The following PUM1 variants were observed in gnomAD, a reference collection of about 807,000 sequenced individuals.
PUM1 encodes the protein pumilio homolog 1.
PUM1 carries 13 observed loss-of-function variants against 131.8 expected under a neutral mutation model. That is an observed-to-expected ratio of 0.10 (90% CI 0.06 to 0.16). PUM1 has a LOEUF of 0.16. PUM1 is among the 10% of genes least tolerant of loss of function. The probability of loss-of-function intolerance (pLI) is 1.00; values close to 1 mark genes in which losing one functional copy is unlikely to be tolerated. For missense variants in PUM1, 961 were observed against 1,512.4 expected (o/e 0.64, Z 6.05); for synonymous variants, 509 against 556.5 (o/e 0.91, Z 1.20).
chr1:30,992,714 C>T (rs565437342), intron 6 of PUM1, 54 bp from the exon 7 acceptor site: 23 of 1,507,292 alleles, frequency 1.5e-5, no homozygotes, highest in East Asian at 2.3e-5. Context: ...GGAGGGACTA[C>T]AGCAACCCAA....
chr1:31,065,655 ATCT>A lies in PUM1; in HGVS notation c.-54_-52del. ...GATGAAGATGGATTTCAGCCCCCCG[ATCT>A]TCTCTCTCTGGCGCTCTCGCTCCCC... On this transcript the variant is annotated 5_prime_UTR_variant, in exon 1 of 22. Transcript: ENST00000426105. 1 of 1,549,208 alleles carries A rather than the reference ATCT, an allele frequency of 6.5e-7. No individual in the cohort carries two copies. Among genetic ancestry groups the A allele is most frequent in the African/African-American group, 1.4e-5 (1 of 72,888 alleles).
At chr1:31,005,818 AGAGAG>A (rs763043697) in intron 5 of PUM1, 30 bp downstream of exon 5, 38 of 1,457,472 alleles carry the variant, frequency 2.6e-5, no homozygotes, top group Middle Eastern at 1.8e-4. Context: ...AGAGAGAGAG[AGAGAG>A]ATAGGAACAA....
chr1:30,990,751 G>C (rs1244220537), intron 7 of PUM1, among the ~76,000 whole-genome samples: 2 of 152,232 alleles, frequency 1.3e-5, no homozygotes, highest in East Asian at 3.8e-4. Flanking sequence ...ACAGTGGTAT[G>C]TCTGTGTAAA....
At chr1:31,057,679 T>C (rs181147936) in intron 2 of PUM1, among the ~76,000 whole-genome samples, 1,490 of 142,704 alleles carry the variant, frequency 0.01, 8 homozygotes, top group Non-Finnish European at 0.017. Flanking sequence ...GAGCCGAGAT[T>C]GTGCCACTGC....
intron 3 of PUM1, among the ~76,000 whole-genome samples, chr1:31,022,882 A>G (rs1278687446): frequency 6.6e-6 from 1 of 152,148 alleles, no homozygotes; most frequent in Non-Finnish European, 1.5e-5. Flanking sequence ...TGAAAGCTAC[A>G]TTTTGGCTGG....
At chr1:31,032,457 T>C (rs980887830) in intron 2 of PUM1, among the ~76,000 whole-genome samples, 1 of 152,168 alleles carries the variant, frequency 6.6e-6, no homozygotes, top group Non-Finnish European at 1.5e-5. Context: ...AAGTTCCTTC[T>C]ACACTTCCCT....
chr1:31,024,236 A>T (rs755271276), intron 3 of PUM1, among the ~76,000 whole-genome samples: 2 of 152,134 alleles, frequency 1.3e-5, no homozygotes, highest in Non-Finnish European at 2.9e-5. Context: ...GCCCAATCCA[A>T]TGCTACCTCT....
chr1:30,973,065 AG>A, intron 10 of PUM1: 1 of 213,286 alleles, frequency 4.7e-6, no homozygotes, highest in South Asian at 7.6e-5. Flanking sequence ...GGGCAACAAA[AG>A]CAAAATTCCG....
rs189484071 is a variant in PUM1 at position 31,048,765 on chromosome 1, T to C, written c.363+10439A>G. Among the ~76,000 whole-genome samples the C allele has an allele frequency of 3.8e-3, 583 of 152,102 alleles. 2 individuals are homozygous for C. Among genetic ancestry groups the C allele is most frequent in the Non-Finnish European group, 6.8e-3 (463 of 67,980 alleles). On this transcript the variant is annotated intron_variant, in intron 2 of 21. Coordinates refer to ENST00000426105, the MANE Select transcript of PUM1 (RefSeq NM_001020658.2). The stretch of plus-strand genomic sequence containing the variant: ...CTGCGATTACAGGCTTGAGCCACCA[T>C]GCCCGGCCCATCAGGGTAAATTCTA...
At chr1:30,941,972 A>G in intron 19 of PUM1, 26 bp downstream of exon 19, 1 of 1,535,780 alleles carries the variant, frequency 6.5e-7, no homozygotes, top group Non-Finnish European at 8.9e-7. Flanking sequence ...AGGTGTTCGC[A>G]GTTCCTCTAC....
intron 14 of PUM1, among the ~76,000 whole-genome samples, chr1:30,959,255 A>C (rs1259185484): frequency 6.6e-6 from 1 of 152,218 alleles, no homozygotes; most frequent in Non-Finnish European, 1.5e-5. Context: ...GGGATGGTAC[A>C]CTTCGAATTT....
At chr1:30,963,025 T>C (rs1395182118) in intron 14 of PUM1, among the ~76,000 whole-genome samples, 3 of 152,332 alleles carry the variant, frequency 2.0e-5, no homozygotes, top group African/African-American at 7.2e-5. Context: ...TAACAGGATA[T>C]ACACTGAAAC....
chr1:31,003,771 A>G (rs1642302661), intron 5 of PUM1, among the ~76,000 whole-genome samples: 1 of 152,084 alleles, frequency 6.6e-6, no homozygotes, highest in South Asian at 2.1e-4. Context: ...AATAATAACA[A>G]TAATAATCAG....
intron 16 of PUM1, among the ~76,000 whole-genome samples, chr1:30,952,027 T>C (rs1004205526): frequency 1.3e-5 from 2 of 152,218 alleles, no homozygotes; most frequent in Non-Finnish European, 2.9e-5. Context: ...CAAAATAGAT[T>C]GGCATTATCT....
chr1:30,991,739 G>C (rs1181614701), intron 7 of PUM1, among the ~76,000 whole-genome samples: 3 of 152,120 alleles, frequency 2.0e-5, no homozygotes, highest in Admixed American at 1.3e-4. Flanking sequence ...TAAACACAGA[G>C]ATCAGTTAAT....
chr1:31,037,423 T>C (rs985309173), intron 2 of PUM1, among the ~76,000 whole-genome samples: 2 of 152,098 alleles, frequency 1.3e-5, no homozygotes, highest in African/African-American at 4.8e-5. Flanking sequence ...AAGTTAAAGA[T>C]CTAAAACATA....
intron 2 of PUM1, chr1:31,050,868 C>T (rs1644091863): frequency 4.1e-6 from 1 of 243,028 alleles, no homozygotes. Context: ...CTCCTGAGAG[C>T]AAGATGGGTC....
intron 17 of PUM1, 62 bp from the exon 18 acceptor site, chr1:30,945,545 T>G: frequency 6.4e-7 from 1 of 1,570,300 alleles, no homozygotes; most frequent in Non-Finnish European, 8.7e-7. Flanking sequence ...ACAAATAATA[T>G]TCTTTTCACC....
At chr1:30,937,409 G>A (rs1202327661) in intron 20 of PUM1, among the ~76,000 whole-genome samples, 1 of 152,108 alleles carries the variant, frequency 6.6e-6, no homozygotes, top group Non-Finnish European at 1.5e-5. Flanking sequence ...GGGAGGTTGA[G>A]GCAGGAGAAT....
Sources: gnomAD v4.1 joint callset for allele counts (sites outside exome capture counted in the v4.1 genomes callset) on GRCh38, gnomAD v4.1.1 for gene constraint, MANE v1.5 for transcripts, NCBI Gene and HGNC (gene_info 2026-07-23, HGNC 2026-07-21) for gene names.